The following RNF31 variants were observed in gnomAD, a reference collection of about 807,000 sequenced individuals.
The protein encoded by RNF31 is E3 ubiquitin-protein ligase RNF31.
RNF31 carries 38 observed loss-of-function variants against 133.6 expected under a neutral mutation model. That is an observed-to-expected ratio of 0.28 (90% confidence interval 0.22 to 0.37). RNF31 has a LOEUF of 0.37. RNF31 is among the 10% of genes least tolerant of loss of function. RNF31 has a pLI of 1.00. For missense variants in RNF31, 1,118 were observed against 1,394.1 expected (o/e 0.80, Z 3.15); for synonymous variants, 582 against 552.3 (o/e 1.05, Z -0.75).
intron 11 of RNF31, chr14:24,154,923 T>G: frequency 1.8e-6 from 1 of 558,636 alleles, no homozygotes; most frequent in Non-Finnish European, 3.2e-6. Context: ...AATATGAATG[T>G]TTTTATAGGC....
rs1221651800 is a variant in RNF31, at chr14:24,147,671, C to T, written c.-28C>T. The T allele has an allele frequency of 3.6e-6, 5 of 1,382,798 alleles. No homozygotes were observed. The South Asian group carries it at 4.9e-5, about 14-fold the overall frequency. The allele number at this position is 1,382,798 out of a possible 1,614,324, so 85.7% of individuals were successfully genotyped here. ...GCCCGCGCCGGGTCCTGGCGGGCGG[C>T]GAGGCTGGGGCTGACTCCTGCCTCA... On this transcript the variant is annotated 5_prime_UTR_variant, in exon 1 of 21. Coordinates refer to ENST00000324103, the MANE Select transcript of RNF31 (RefSeq NM_017999.5).
chr14:24,150,795 T>A lies in RNF31; in HGVS notation c.1395T>A (p.Leu465=). 1.3e-6 allele frequency: 2 copies of A among 1,586,134 alleles called. No homozygotes were observed. The highest frequency in any genetic ancestry group is 1.7e-6 in the Non-Finnish European group (2 of 1,165,076). The change falls in exon 8 of 21, where the codon CTT becomes CTA. Residue 465 remains leucine, a synonymous_variant. Coordinates refer to ENST00000324103, the MANE Select transcript of RNF31 (RefSeq NM_017999.5). ...CCAAGCCTGGGCCCCCACGACGCCT[T>A]AGTGCCCCCCTGCCCAGTTCCTGTG... is the stretch of plus-strand genomic sequence containing the variant. The part of the protein sequence containing the change: ...GPPKPGPPRR[L]SAPLPSSCGD...
intron 18 of RNF31, chr14:24,158,804 A>ACACG (rs2038385385): frequency 6.6e-6 from 1 of 151,770 alleles, no homozygotes; most frequent in Admixed American, 6.6e-5. Context: ...TGGGAAGCCA[A>ACACG]GGCGGGTGAA....
In RNF31 at chr14:24,151,787, G is replaced by T. The variant is rs1278549042; in HGVS notation, c.1925G>T (p.Ser642Ile). 6.2e-7 allele frequency: 1 copy of T among 1,608,488 alleles called. No individual in the cohort carries two copies. Among genetic ancestry groups the T allele is most frequent in the Non-Finnish European group, 8.5e-7 (1 of 1,176,750 alleles). The change falls in exon 11 of 21, where the codon AGC becomes ATC. Residue 642 changes from serine to isoleucine, a missense_variant and splice_region_variant. Physicochemically the swap from Ser to Ile is moderately radical, Grantham distance 142 (BLOSUM62 -2). Transcript: ENST00000324103. This position sits in a 1 kb window ranked among gnomAD's most constrained non-coding sequence, Gnocchi z 5.3. ...TPSWDGPDKQ[S>I]LVRRLLAVYA... ...CCCTCCACCTGAATCATATTGCAGA[G>T]CCTGGTCAGGCGGCTTTTGGCAGTC...
rs370236802 is a variant in RNF31 at position 24,151,552 on chromosome 14, G to C, written c.1805G>C (p.Gly602Ala). The change falls in exon 10 of 21, where the codon GGA becomes GCA. Residue 602 changes from glycine to alanine, a missense_variant. Transcript: ENST00000324103. This position sits in a 1 kb window ranked among gnomAD's most constrained non-coding sequence, Gnocchi z 5.3. ...TCTCTCCAGGCATTGTTCCAGCACG[G>C]AGGTGATGTGTCACGGGCCCTGACT... ...EGSLQALFQH[G>A]GDVSRALTEL... The C allele has an allele frequency of 5.6e-5, 91 of 1,614,094 alleles. 2 individuals carry two copies. Among genetic ancestry groups the C allele is most frequent in the Non-Finnish European group, 1.1e-5 (13 of 1,180,052 alleles).
chr14:24,150,180 C>T lies in RNF31; in HGVS notation c.929C>T (p.Ala310Val), dbSNP rs1301365716. 6.2e-7 allele frequency: 1 copy of T among 1,614,192 alleles called. No individual in the cohort carries two copies. The highest frequency in any genetic ancestry group is 8.5e-7 in the Non-Finnish European group (1 of 1,180,034). The change falls in exon 7 of 21, where the codon GCC becomes GTC. Residue 310 changes from alanine (A) to valine (V), a missense_variant. This residue lies in a region of RNF31 where 747 missense variants were observed against 827.9 expected (regional missense o/e 0.90). Transcript: ENST00000324103. ...TTGCCCTGGCACTGTGCTGCCTGTGCCATGCTAAATGAGCCTTGGGCAGTG... is the reference window on the plus strand; with the variant it reads ...TTGCCCTGGCACTGTGCTGCCTGTGTCATGCTAAATGAGCCTTGGGCAGTG... ...AHLPWHCAAC[A>V]MLNEPWAVLC...
chr14:24,158,335 G>T, intron 18 of RNF31, 136 bp downstream of exon 18: 1 of 758,988 alleles, frequency 1.3e-6, no homozygotes, highest in Non-Finnish European at 2.1e-6. Context: ...CCAAGGCCTT[G>T]TTTCTTCCGC....
Position 24,160,500 on chromosome 14 carries a change from C to A in RNF31, c.3166-20C>A. The A allele has an allele frequency of 1.3e-6, 2 of 1,556,450 alleles. No individual in the cohort carries two copies. Among genetic ancestry groups the A allele is most frequent in the African/African-American group, 1.4e-5 (1 of 73,172 alleles). Reference sequence around the variant, plus strand: ...GAGCTCCAGGCTTCCAATATCATTACCTTCTCTCTCCTTCTGCAGAAGCTG... The same window carrying A: ...GAGCTCCAGGCTTCCAATATCATTAACTTCTCTCTCCTTCTGCAGAAGCTG... On this transcript the variant is annotated intron_variant, in intron 20 of 20. Transcript: ENST00000324103. The surrounding 1 kb of genome is among the most constrained non-coding windows in gnomAD (Gnocchi z 4.0).
rs2038335532 is a variant in RNF31 at position 24,155,930 on chromosome 14, A to T, written c.2493+238A>T. ...GGAAGGAAAGAAAGTAAGCCAGAGG[A>T]ACTAATTATACATAGGCATAAATTC... is the stretch of plus-strand genomic sequence containing the variant. On this transcript the variant is annotated intron_variant, in intron 14 of 20. Transcript: ENST00000324103. This position sits in a 1 kb window ranked among gnomAD's most constrained non-coding sequence, Gnocchi z 4.9. Among the ~76,000 whole-genome samples, 1 of 152,200 alleles carries T rather than the reference A, an allele frequency of 6.6e-6. No homozygotes were observed. The highest frequency in any genetic ancestry group is 1.5e-5 in the Non-Finnish European group (1 of 68,030).
Position 24,151,205 on chromosome 14 carries a change from G to A in RNF31, c.1563G>A (p.Leu521=), listed in dbSNP as rs1161956291. 2 of 1,614,080 alleles carry A rather than the reference G, an allele frequency of 1.2e-6. No homozygotes were observed. The highest frequency in any genetic ancestry group is 3.3e-5 in the Admixed American group (2 of 60,012). Residue 521 remains leucine (L), a synonymous_variant, in exon 9 of 21, where the codon CTG becomes CTA. Coordinates refer to ENST00000324103, the MANE Select transcript of RNF31 (RefSeq NM_017999.5). This position sits in a 1 kb window ranked among gnomAD's most constrained non-coding sequence, Gnocchi z 5.3. ...AGTACTCGGGCACTGAGGTGCCTCT[G>A]CAGTGGTTGCGCTCAGAACTGCCCT... The part of the protein sequence containing the change: ...ALQYSGTEVP[L]QWLRSELPYV...
At position 24,155,282 on chromosome 14, in the gene RNF31, C is replaced by T. The variant is rs748646475; in HGVS notation, c.2256C>T (p.Leu752=). The change falls in exon 12 of 21, where the codon CTC becomes CTT. Residue 752 remains leucine, a synonymous_variant. Coordinates refer to ENST00000324103, the MANE Select transcript of RNF31 (RefSeq NM_017999.5). This position sits in a 1 kb window ranked among gnomAD's most constrained non-coding sequence, Gnocchi z 4.9. ...MVCPACGRPD[L]TDDTQLLSYF... ...GCCCTGCCTGTGGCCGCCCCGACCT[C>T]ACCGATGACACACAGTTGCTCAGCT... The T allele has an allele frequency of 8.7e-6, 14 of 1,614,096 alleles. No individual in the cohort carries two copies.
In RNF31 at chr14:24,151,615, G is replaced by C. The variant is rs866230508; in HGVS notation, c.1868G>C (p.Arg623Pro). ...QRQRLEPFRQ[R>P]LWDSGPEPTP... ...CAACGCCTAGAGCCCTTCCGCCAGC[G>C]CCTCTGGGACAGTGGCCCTGAGCCC... Residue 623 changes from arginine to proline, a missense_variant, in exon 10 of 21, where the codon CGC becomes CCC. This residue lies in a region of RNF31 where 747 missense variants were observed against 827.9 expected (regional missense o/e 0.90). Coordinates refer to ENST00000324103, the MANE Select transcript of RNF31 (RefSeq NM_017999.5). The surrounding 1 kb of genome is among the most constrained non-coding windows in gnomAD (Gnocchi z 5.3). 1 of 1,613,506 alleles carries C rather than the reference G, an allele frequency of 6.2e-7. No individual in the cohort carries two copies. The highest frequency in any genetic ancestry group is 1.1e-5 in the South Asian group (1 of 91,086).
At position 24,160,069 on chromosome 14, in the gene RNF31, G is replaced by A. The variant is rs2038421764; in HGVS notation, c.2996+109G>A. On this transcript the variant is annotated intron_variant, in intron 19 of 20. Transcript: ENST00000324103. This position sits in a 1 kb window ranked among gnomAD's most constrained non-coding sequence, Gnocchi z 4.0. ...GGGAGCAGTAGGTCTTGCAGTGGGT[G>A]GGAGGGAGGAGGCTTTCTGGGCAAG... 7.5e-7 allele frequency: 1 copy of A among 1,333,032 alleles called. No individual in the cohort carries two copies. Among genetic ancestry groups the A allele is most frequent in the Non-Finnish European group, 1.0e-6 (1 of 954,274 alleles). The allele number at this position is 1,333,032 out of a possible 1,614,324, so 82.6% of individuals were successfully genotyped here.
Position 24,159,873 on chromosome 14 carries a change from G to A in RNF31, c.2909G>A (p.Arg970Gln), listed in dbSNP as rs372026152. Residue 970 changes from arginine to glutamine, a missense_variant, in exon 19 of 21, where the codon CGA becomes CAA. This residue lies in a region of RNF31 where 170 missense variants were observed against 194.5 expected (regional missense o/e 0.87). Transcript: ENST00000324103. ...GARAVPGGGC[R>Q]VIEQKEVPNG... ...CTTCCCTCACCTTTAGGCGGCTGCC[G>A]AGTGATAGAGCAGAAGGAGGTTCCC... 3.7e-6 allele frequency: 6 copies of A among 1,613,960 alleles called. No individual in the cohort carries two copies. The highest frequency in any genetic ancestry group is 1.3e-5 in the African/African-American group (1 of 75,084).
chr14:24,147,948 C>T, intron 1 of RNF31, 28 bp from the exon 2 acceptor site: 2 of 1,614,070 alleles, frequency 1.2e-6, no homozygotes, highest in Non-Finnish European at 1.7e-6. Flanking sequence ...AGGCCACGCT[C>T]ACACCTCTCT....
rs758641766 is a variant in RNF31, at chr14:24,147,879, G to T, written c.181G>T (p.Ala61Ser). Reference sequence around the variant, plus strand: ...CGCCGCACGCCTTGTCCGCTGCAACGCTCATGGGGAGGTGAGGCCCGGCCC... The same window carrying T: ...CGCCGCACGCCTTGTCCGCTGCAACTCTCATGGGGAGGTGAGGCCCGGCCC... ...LDAARLVRCNAHGEPRNYLNT... is the reference protein window; with the variant it reads ...LDAARLVRCNSHGEPRNYLNT... Residue 61 changes from alanine (A) to serine (S), a missense_variant, in exon 1 of 21, where the codon GCT becomes TCT. This residue lies in a region of RNF31 where 747 missense variants were observed against 827.9 expected (regional missense o/e 0.90). Transcript: ENST00000324103. 6.2e-7 allele frequency: 1 copy of T among 1,611,648 alleles called. No individual in the cohort carries two copies. Among genetic ancestry groups the T allele is most frequent in the Non-Finnish European group, 8.5e-7 (1 of 1,179,672 alleles).
Position 24,155,021 on chromosome 14 carries a change from C to A in RNF31, c.2131-136C>A. 7.7e-6 allele frequency: 6 copies of A among 781,466 alleles called. No homozygotes were observed. Among genetic ancestry groups the A allele is most frequent in the Non-Finnish European group, 1.0e-5 (5 of 491,110 alleles). 48.4% of individuals were successfully genotyped at this position (781,466 alleles called of 1,614,324 possible). A position where few individuals can be genotyped will look rare whatever the true frequency, so the allele number is the denominator to read the frequency against. ...GTTTACGTTGCCTGCCTGGCCCCTG[C>A]TGGCACTTGAGGTTGTTAACCCTGC... On this transcript the variant is annotated intron_variant, in intron 11 of 20. Coordinates refer to ENST00000324103, the MANE Select transcript of RNF31 (RefSeq NM_017999.5). The surrounding 1 kb of genome is among the most constrained non-coding windows in gnomAD (Gnocchi z 4.9).
chr14:24,150,901 C>T lies in RNF31; in HGVS notation c.1488+13C>T, dbSNP rs765575733. The T allele has an allele frequency of 3.6e-5, 55 of 1,543,734 alleles. No homozygotes were observed. The highest frequency in any genetic ancestry group is 4.5e-5 in the Non-Finnish European group (52 of 1,144,960). ...GAGCATGATCCGGGTAAGGACTGGG[C>T]CTGCGATGAGGTAGGGCTGAGCTGG... On this transcript the variant is annotated intron_variant, in intron 8 of 20. Coordinates refer to ENST00000324103, the MANE Select transcript of RNF31 (RefSeq NM_017999.5).
intron 18 of RNF31, 104 bp from the exon 19 acceptor site, chr14:24,159,760 T>A: frequency 1.1e-6 from 1 of 873,260 alleles, no homozygotes; most frequent in Non-Finnish European, 1.9e-6. Flanking sequence ...CTGTGCTCGG[T>A]CCCTTCCTTG....
Sources: allele counts gnomAD v4.1 joint callset (sites outside exome capture counted in the v4.1 genomes callset), GRCh38; gene constraint gnomAD v4.1.1; regional missense constraint gnomAD v4.1.1; non-coding constraint Gnocchi (gnomAD v3.1); transcripts MANE v1.5; gene names NCBI Gene and HGNC (gene_info 2026-07-23, HGNC 2026-07-21).